CEMIP: variants seen among roughly 807,000 people sequenced by gnomAD.
CEMIP encodes cell migration-inducing and hyaluronan-binding protein.
A neutral mutation model predicts 156.9 loss-of-function variants in CEMIP; 105 were observed. The observed-to-expected ratio is 0.67, with a 90% CI of 0.57 to 0.79. The LOEUF is 0.79. CEMIP is among the 30% of genes least tolerant of loss of function. The pLI, the probability that CEMIP is intolerant of heterozygous loss-of-function variation, is 0.00. For missense variants in CEMIP, 1,457 were observed against 1,769.4 expected (o/e 0.82, Z 3.17); for synonymous variants, 676 against 668.4 (o/e 1.01, Z -0.17).
At chr15:80,818,977 C>T (rs781433136) in intron 1 of CEMIP, among the ~76,000 whole-genome samples, 8 of 152,188 alleles carry the variant, frequency 5.3e-5, no homozygotes, top group Non-Finnish European at 1.0e-4. Context: ...CAGGGCCAGT[C>T]CACAGCTTAC....
chr15:80,785,051 C>T (rs1895895702), intron 1 of CEMIP, among the ~76,000 whole-genome samples: 1 of 152,162 alleles, frequency 6.6e-6, no homozygotes, highest in South Asian at 2.1e-4. Flanking sequence ...ATCTTGGCCC[C>T]CTTTAAGTTT....
chr15:80,884,991 G>A (rs1389988339), intron 7 of CEMIP, among the ~76,000 whole-genome samples: 1 of 152,100 alleles, frequency 6.6e-6, no homozygotes, highest in East Asian at 1.9e-4. Context: ...TGCCGCGATG[G>A]TTTGCTGCAC....
intron 10 of CEMIP, among the ~76,000 whole-genome samples, chr15:80,890,964 TG>T (rs1203055870): frequency 2.0e-5 from 3 of 152,260 alleles, no homozygotes; most frequent in African/African-American, 7.2e-5. Context: ...AGATTCTCCT[TG>T]GGTCCAACAG....
At position 80,926,853 on chromosome 15, in the gene CEMIP, T is replaced by C. The variant is rs531464970; in HGVS notation, c.2420+1098T>C. ...GGGGTCTTCTTTTTTTTTTTTGAGA[T>C]GGAGTCTTACTCTGTCACCCAGGCT... On this transcript the variant is annotated intron_variant, in intron 19 of 29. Coordinates refer to ENST00000394685, the MANE Select transcript of CEMIP (RefSeq NM_001293298.2). Among the ~76,000 whole-genome samples, 23 of 144,194 alleles carry C rather than the reference T, an allele frequency of 1.6e-4. No individual in the cohort carries two copies. The South Asian group carries it at 4.4e-3, about 27-fold the overall frequency. 94.6% of individuals were successfully genotyped at this position (144,194 alleles called of 152,430 possible). A position where few individuals can be genotyped will look rare whatever the true frequency, so the allele number is the denominator to read the frequency against.
At chr15:80,910,499 G>A (rs969208336) in intron 14 of CEMIP, among the ~76,000 whole-genome samples, 16 of 152,260 alleles carry the variant, frequency 1.1e-4, no homozygotes, top group African/African-American at 3.6e-4. Context: ...GAGGCTGTCT[G>A]TGTGACACTA....
At chr15:80,897,131 G>A in intron 12 of CEMIP, 1 of 338,488 alleles carries the variant, frequency 3.0e-6, no homozygotes, top group South Asian at 2.4e-5. Context: ...GAAGAAAGGG[G>A]AATCAGAACT....
intron 21 of CEMIP, among the ~76,000 whole-genome samples, chr15:80,929,655 A>G (rs1900831517): frequency 6.6e-6 from 1 of 152,204 alleles, no homozygotes; most frequent in African/African-American, 2.4e-5. Context: ...TGGGGACAAC[A>G]TGGGGGATAT....
chr15:80,929,221 A>T, intron 21 of CEMIP, 47 bp downstream of exon 21: 1 of 1,611,214 alleles, frequency 6.2e-7, no homozygotes, highest in Non-Finnish European at 8.5e-7. Flanking sequence ...GCTTAACCTA[A>T]GTGGCTGTGA....
chr15:80,941,030 C>A (rs1322001488), intron 25 of CEMIP, among the ~76,000 whole-genome samples: 1 of 152,168 alleles, frequency 6.6e-6, no homozygotes, highest in Non-Finnish European at 1.5e-5. Context: ...ACTGGTTGGC[C>A]AATCCATGGC....
intron 1 of CEMIP, among the ~76,000 whole-genome samples, chr15:80,818,781 T>C (rs1199738122): frequency 1.4e-4 from 22 of 151,976 alleles, no homozygotes; most frequent in Admixed American, 1.4e-3. Flanking sequence ...AGAGAAAGAG[T>C]TGTAATTGAT....
intron 1 of CEMIP, among the ~76,000 whole-genome samples, chr15:80,802,474 T>G (rs533168041): frequency 1.2e-4 from 19 of 152,292 alleles, no homozygotes; most frequent in African/African-American, 4.3e-4. Context: ...CCAGAGGATG[T>G]GCTCAGGCCC....
chr15:80,936,874 C>T lies in CEMIP; in HGVS notation c.3210C>T (p.Ile1070=), dbSNP rs1901146052. The change falls in exon 24 of 30, where the codon ATC becomes ATT. Residue 1070 remains isoleucine, a synonymous_variant. Transcript: ENST00000394685. ...TAPAELAIWL[I]NFNKGDWIRV... is the part of the protein sequence containing the mutation. ...CCGCCGAACTCGCCATCTGGCTCAT[C>T]AACTTCAACAAGTGAGTGGGTGTCC... 2.5e-6 allele frequency: 4 copies of T among 1,613,978 alleles called. No individual in the cohort carries two copies. The African/African-American group carries it at 5.3e-5, about 22-fold the overall frequency.
At position 80,922,006 on chromosome 15, in the gene CEMIP, C is replaced by G. The variant is rs778313281; in HGVS notation, c.2074-3C>G. 3.1e-6 allele frequency: 5 copies of G among 1,614,048 alleles called. No individual in the cohort carries two copies. The highest frequency in any genetic ancestry group is 1.7e-5 in the Admixed American group (1 of 60,002). ...GCTTTTCCCTTGTGTCCTTCCCCAA[C>G]AGGAAACTGGATTTTGGTTTATTTT... On this transcript the variant is annotated splice_polypyrimidine_tract_variant and splice_region_variant and intron_variant, in intron 16 of 29. Transcript: ENST00000394685.
intron 1 of CEMIP, among the ~76,000 whole-genome samples, chr15:80,841,074 AG>A (rs1897402121): frequency 6.6e-6 from 1 of 152,176 alleles, no homozygotes; most frequent in South Asian, 2.1e-4. Context: ...TCTGAGGGGT[AG>A]GCTGTGCCCC....
rs143641669 is a variant in CEMIP at position 80,864,812 on chromosome 15, G to A, written c.-175-8726G>A. 3.3e-3 allele frequency among the ~76,000 whole-genome samples: 501 copies of A among 152,306 alleles called. 2 individuals are homozygous for A. The highest frequency in any genetic ancestry group is 0.011 in the African/African-American group (463 of 41,564). ...ACTCTGTAACTAACAGTTCTCAAAC[G>A]TAAGCGCTTATCAGAATCACCTGGA... On this transcript the variant is annotated intron_variant, in intron 1 of 29. Coordinates refer to ENST00000394685, the MANE Select transcript of CEMIP (RefSeq NM_001293298.2).
intron 1 of CEMIP, among the ~76,000 whole-genome samples, chr15:80,859,026 C>T (rs573586349): frequency 7.7e-4 from 117 of 152,346 alleles, no homozygotes; most frequent in African/African-American, 2.7e-3. Flanking sequence ...CAACTCCAGG[C>T]TTGCCAACCA....
chr15:80,929,172 C>T lies in CEMIP; in HGVS notation c.2610C>T (p.Gly870=), dbSNP rs1341828573. The part of the protein sequence containing the change: ...LDHSGRTLPI[G]QNFPIRGIQL... ...ATAGCGGAAGGACCCTCCCTATAGG[C>T]CAGTAGGTTTGCAACCATGTAGCTC... The change falls in exon 21 of 30, where the codon GGC becomes GGT. Residue 870 remains glycine, a splice_region_variant and synonymous_variant. Transcript: ENST00000394685. 12 of 1,614,028 alleles carry T rather than the reference C, an allele frequency of 7.4e-6. No homozygotes were observed. The highest frequency in any genetic ancestry group is 2.7e-5 in the African/African-American group (2 of 74,900).
At chr15:80,840,662 C>G (rs536877976) in intron 1 of CEMIP, among the ~76,000 whole-genome samples, 1 of 152,148 alleles carries the variant, frequency 6.6e-6, no homozygotes, top group Non-Finnish European at 1.5e-5. Context: ...GTCCCTGGCC[C>G]GAGGCGTGGG....
chr15:80,894,863 C>T (rs1899158512), intron 10 of CEMIP, 127 bp from the exon 11 acceptor site: 14 of 1,120,968 alleles, frequency 1.2e-5, no homozygotes, highest in Admixed American at 1.2e-4. Flanking sequence ...CATCTCGGGC[C>T]GTTGTAAATA....
Sources: gnomAD v4.1 joint callset for allele counts (sites outside exome capture counted in the v4.1 genomes callset) on GRCh38, gnomAD v4.1.1 for gene constraint, MANE v1.5 for transcripts, NCBI Gene and HGNC (gene_info 2026-07-23, HGNC 2026-07-21) for gene names.